The following ZNF227 variants were observed in gnomAD, a reference collection of about 807,000 sequenced individuals.
ZNF227 encodes the protein zinc finger protein 227.
Under a neutral mutation model 13.2 loss-of-function variants are expected in ZNF227, and 12 were observed. That is an observed-to-expected ratio of 0.91 (90% confidence interval 0.58 to 1.47). The LOEUF (loss-of-function observed/expected upper bound fraction) is 1.47, where lower values mean the gene tolerates loss of function less well. Ranked by LOEUF, ZNF227 falls within the 40% of genes most tolerant of loss-of-function variation. The pLI, the probability that ZNF227 is intolerant of heterozygous loss-of-function variation, is 0.00. For synonymous variants in ZNF227, 338 were observed against 326.0 expected, an observed-to-expected ratio of 1.04 and a Z score of -0.40; for missense variants, 885 against 967.5, an observed-to-expected ratio of 0.91 and a Z score of 1.13.
At chr19:44,230,506 T>G (rs533734818) in intron 5 of ZNF227, among the ~76,000 whole-genome samples, 47 of 152,212 alleles carry the variant, frequency 3.1e-4, no homozygotes, top group African/African-American at 1.1e-3. Context: ...TGGCCGCCGT[T>G]GGAGTATTTG....
At chr19:44,220,470 A>G (rs1168955445) in intron 3 of ZNF227, among the ~76,000 whole-genome samples, 4 of 151,962 alleles carry the variant, frequency 2.6e-5, no homozygotes, top group African/African-American at 9.7e-5. Flanking sequence ...TAACTTTAAA[A>G]AAATGTTAAT....
chr19:44,225,200 A>G (rs1261907167), intron 3 of ZNF227, among the ~76,000 whole-genome samples: 9 of 151,518 alleles, frequency 5.9e-5, no homozygotes, highest in African/African-American at 2.2e-4. Flanking sequence ...TGCCCTTAAC[A>G]TTTTTTCCTT....
chr19:44,226,279 T>TG (rs1973148933), intron 3 of ZNF227, among the ~76,000 whole-genome samples: 1 of 152,236 alleles, frequency 6.6e-6, no homozygotes, highest in African/African-American at 2.4e-5. Context: ...TCCAGCTGCA[T>TG]GCTGGGAGAA....
chr19:44,223,164 G>T (rs928306920), intron 3 of ZNF227, among the ~76,000 whole-genome samples: 3 of 152,286 alleles, frequency 2.0e-5, no homozygotes, highest in African/African-American at 7.2e-5. Flanking sequence ...GATTTGGTTT[G>T]CCAGTATTTT....
At position 44,230,753 on chromosome 19, in the gene ZNF227, A is replaced by G. The variant is rs147158225; in HGVS notation, c.271+937A>G. On this transcript the variant is annotated intron_variant, in intron 5 of 5. Coordinates refer to ENST00000313040, the MANE Select transcript of ZNF227 (RefSeq NM_182490.3). Reference sequence around the variant, plus strand: ...CTTCTTTGCTTTCTCTTGAATTTGCATATTCCTCAGGTCTATTGACTTAAA... The same window carrying G: ...CTTCTTTGCTTTCTCTTGAATTTGCGTATTCCTCAGGTCTATTGACTTAAA... Among the ~76,000 whole-genome samples the G allele has an allele frequency of 1.5e-3, 232 of 151,222 alleles. 6 individuals carry two copies. The East Asian group carries it at 0.04, about 26-fold the overall frequency.
upstream of ZNF227, among the ~76,000 whole-genome samples, chr19:44,211,778 T>C (rs996474309): frequency 6.6e-6 from 1 of 151,736 alleles, no homozygotes; most frequent in Non-Finnish European, 1.5e-5. Flanking sequence ...TAGTCGATCC[T>C]GTTAAATGTA....
intron 5 of ZNF227, among the ~76,000 whole-genome samples, chr19:44,231,186 CT>C (rs1973796252): frequency 6.6e-6 from 1 of 151,530 alleles, no homozygotes; most frequent in South Asian, 2.1e-4. Context: ...GCCATCTTGG[CT>C]CACTGCAACC....
chr19:44,222,592 GTGATTTT>G (rs1185002569), intron 3 of ZNF227, among the ~76,000 whole-genome samples: 1 of 151,884 alleles, frequency 6.6e-6, no homozygotes, highest in Admixed American at 6.6e-5. Flanking sequence ...AAGAATGCTT[GTGATTTT>G]TGTACATTGA....
intron 3 of ZNF227, among the ~76,000 whole-genome samples, chr19:44,219,730 A>G (rs1307517498): frequency 6.6e-6 from 1 of 151,452 alleles, no homozygotes; most frequent in Non-Finnish European, 1.5e-5. Context: ...TTACGCTTTC[A>G]AAACTTTTTT....
At position 44,235,673 on chromosome 19, in the gene ZNF227, A is replaced by C. The variant is rs1256047631; in HGVS notation, c.1243A>C (p.Lys415Gln). ...GCCCTATAAATGTGAGGAATGTGGT[A>C]AGGGCTTCACTCAGGCTGCACATTT... ...EKPYKCEECG[K>Q]GFTQAAHFHI... The change falls in exon 6 of 6, where the codon AAG (lysine) becomes CAG (glutamine). Residue 415 changes from lysine (K) to glutamine (Q), a missense_variant. Physicochemically the swap from Lys to Gln is moderately conservative, Grantham distance 53 (BLOSUM62 1). Coordinates refer to ENST00000313040, the MANE Select transcript of ZNF227 (RefSeq NM_182490.3). 6.2e-7 allele frequency: 1 copy of C among 1,614,144 alleles called. No homozygotes were observed. Among genetic ancestry groups the C allele is most frequent in the Non-Finnish European group, 8.5e-7 (1 of 1,180,012 alleles).
upstream of ZNF227, among the ~76,000 whole-genome samples, chr19:44,209,067 C>T (rs757514927): frequency 6.6e-6 from 1 of 152,092 alleles, no homozygotes; most frequent in Non-Finnish European, 1.5e-5. Flanking sequence ...AGCGAGACCC[C>T]GTTCCTTTAA....
intron 4 of ZNF227, chr19:44,229,065 C>G (rs1273095287): frequency 1.3e-5 from 2 of 158,576 alleles, no homozygotes; most frequent in Non-Finnish European, 2.8e-5. Flanking sequence ...ACTTAGTGCA[C>G]TGTACTGGCT....
In ZNF227 at chr19:44,236,905, A is replaced by C. The variant is rs1365525822; in HGVS notation, c.*75A>C. 8.4e-7 allele frequency: 1 copy of C among 1,188,626 alleles called. No homozygotes were observed. The highest frequency in any genetic ancestry group is 1.5e-5 in the African/African-American group (1 of 65,056). The allele number at this position is 1,188,626 out of a possible 1,614,324, so 73.6% of individuals were successfully genotyped here. A position where few individuals can be genotyped will look rare whatever the true frequency, so the allele number is the denominator to read the frequency against. On this transcript the variant is annotated 3_prime_UTR_variant, in exon 6 of 6. Coordinates refer to ENST00000313040, the MANE Select transcript of ZNF227 (RefSeq NM_182490.3). The stretch of plus-strand genomic sequence containing the variant: ...TTTGGCTAGTCCATGCTGGTGGTAA[A>C]CCCTGTAAAACTACTGAGAGTGGAA...
chr19:44,227,868 A>C (rs1973340290), intron 3 of ZNF227, among the ~76,000 whole-genome samples: 2 of 152,204 alleles, frequency 1.3e-5, no homozygotes, highest in African/African-American at 4.8e-5. Flanking sequence ...TGTGCCTTGA[A>C]AGCACAGGAA....
At chr19:44,210,084 TC>T (rs1487068860), upstream of ZNF227, among the ~76,000 whole-genome samples, 6 of 152,298 alleles carry the variant, frequency 3.9e-5, no homozygotes, top group East Asian at 1.2e-3. Flanking sequence ...TATTCAGAAT[TC>T]CCAAAATGGA....
At chr19:44,216,640 G>A (rs1034041611) in intron 2 of ZNF227, among the ~76,000 whole-genome samples, 8 of 151,506 alleles carry the variant, frequency 5.3e-5, no homozygotes, top group African/African-American at 1.5e-4. Context: ...AGACAAATAC[G>A]GAAGCCTCTC....
rs775755339 is a variant in ZNF227 at position 44,234,711 on chromosome 19, A to T, written c.281A>T (p.His94Leu). The T allele has an allele frequency of 7.2e-5, 114 of 1,583,030 alleles. No homozygotes were observed. In the Middle Eastern group the frequency reaches 1.7e-3, roughly 24 times the overall value. Reference sequence around the variant, plus strand: ...TTTTCTTTTTTAATAGGCAGCAAGCATCAAAATAAGATGGAAACACTCCAA... The same window carrying T: ...TTTTCTTTTTTAATAGGCAGCAAGCTTCAAAATAAGATGGAAACACTCCAA... ...METETQRSSK[H>L]QNKMETLQKF... Residue 94 changes from histidine (H) to leucine (L), a missense_variant, in exon 6 of 6, where the codon CAT becomes CTT. Transcript: ENST00000313040.
At position 44,235,438 on chromosome 19, in the gene ZNF227, C is replaced by T. The variant is rs1396147977; in HGVS notation, c.1008C>T (p.Ser336=). ...GTTGCGGCAAGGGATTCAGTAGCAG[C>T]ACGGGTCTTATCATTCATTACAGAA... ...CDSCGKGFSS[S]TGLIIHYRTH... Residue 336 remains serine, a synonymous_variant, in exon 6 of 6, where the codon AGC becomes AGT. Transcript: ENST00000313040. The T allele has an allele frequency of 4.3e-6, 7 of 1,614,026 alleles. No individual in the cohort carries two copies. The highest frequency in any genetic ancestry group is 5.1e-6 in the Non-Finnish European group (6 of 1,180,026).
intron 2 of ZNF227, chr19:44,213,622 T>C (rs1971548195): frequency 6.6e-6 from 1 of 152,212 alleles, no homozygotes; most frequent in Non-Finnish European, 1.5e-5. Context: ...TCTTTGGTTT[T>C]TGTTGTTGTT....
Sources: gnomAD v4.1 joint callset for allele counts (sites outside exome capture counted in the v4.1 genomes callset) on GRCh38, gnomAD v4.1.1 for gene constraint, MANE v1.5 for transcripts, NCBI Gene and HGNC (gene_info 2026-07-23, HGNC 2026-07-21) for gene names.